LRPPRC: variants seen among roughly 807,000 people sequenced by gnomAD.
The protein encoded by LRPPRC is leucine-rich PPR motif-containing protein, mitochondrial.
In LRPPRC, 120 loss-of-function variants were observed where a neutral mutation model predicts 180.3. The ratio of observed to expected loss-of-function variants is 0.67; its 90% CI spans 0.57 to 0.77. The LOEUF (loss-of-function observed/expected upper bound fraction) is 0.77, where lower values mean the gene tolerates loss of function less well. Ranked by LOEUF, LRPPRC falls within the 30% of genes least tolerant of loss-of-function variation. LRPPRC has a pLI of 0.00. For missense variants in LRPPRC, 2,012 were observed against 1,657.2 expected (o/e 1.21, Z -3.72); for synonymous variants, 723 against 600.0 (o/e 1.21, Z -3.00).
At chr2:43,975,030 A>T (rs148201984) in intron 7 of LRPPRC, 61 bp downstream of exon 7, 2 of 1,564,092 alleles carry the variant, frequency 1.3e-6, no homozygotes, top group East Asian at 2.2e-5. Context: ...GCCTCATGTA[A>T]AACATAACAC....
rs1308061217 is a variant in LRPPRC at position 43,901,479 on chromosome 2, G to A, written c.3410C>T (p.Pro1137Leu). 1.2e-6 allele frequency: 2 copies of A among 1,614,024 alleles called. No individual in the cohort carries two copies. The highest frequency in any genetic ancestry group is 2.2e-5 in the East Asian group (1 of 44,882). ...LKTVLDQQQTPSRLAVTRVIQ... is the reference protein window; with the variant it reads ...LKTVLDQQQTLSRLAVTRVIQ... ...GACACGGGTCACTGCTAACCTAGAA[G>A]GGGTCTGCTGCTGATCCAATACTGT... is the stretch of plus-strand genomic sequence containing the variant. Residue 1137 changes from proline (P) to leucine (L), a missense_variant, in exon 32 of 38, where the codon CCT (proline) becomes CTT (leucine). By Grantham distance (98) the Pro-to-Leu change is moderately conservative. Transcript: ENST00000260665.
At position 43,887,138 on chromosome 2, in the gene LRPPRC, T is replaced by C. The variant is rs962076624; in HGVS notation, c.*1462A>G. 2.0e-4 allele frequency: 7 copies of C among 35,274 alleles called. No individual in the cohort carries two copies. The highest frequency in any genetic ancestry group is 4.6e-4 in the African/African-American group (6 of 13,158). The allele number at this position is 35,274 out of a possible 1,614,324, so 2.2% of individuals were successfully genotyped here. On this transcript the variant is annotated 3_prime_UTR_variant, in exon 38 of 38. Coordinates refer to ENST00000260665, the MANE Select transcript of LRPPRC (RefSeq NM_133259.4). ...TCTGGCTTAAGCAACAGAGCAAGAC[T>C]ATCTCAAAAAAAAAAAAAAAAAAAA...
chr2:43,986,317 A>T (rs1030735294), intron 1 of LRPPRC, among the ~76,000 whole-genome samples: 10 of 151,988 alleles, frequency 6.6e-5, no homozygotes, highest in Non-Finnish European at 1.5e-5. Context: ...TTTAGTACAG[A>T]CGGAGTTTTA....
intron 1 of LRPPRC, among the ~76,000 whole-genome samples, chr2:43,995,438 C>G (rs1674998695): frequency 6.6e-6 from 1 of 152,220 alleles, no homozygotes; most frequent in Non-Finnish European, 1.5e-5. Flanking sequence ...ACGTGGGACA[C>G]CACCCAAGCT....
chr2:43,975,862 C>A (rs1031187461), intron 6 of LRPPRC, among the ~76,000 whole-genome samples: 1 of 152,134 alleles, frequency 6.6e-6, no homozygotes, highest in Non-Finnish European at 1.5e-5. Context: ...GGATTACAGG[C>A]ATGAGCCACC....
At position 43,943,891 on chromosome 2, in the gene LRPPRC, G is replaced by C; in HGVS notation, c.2300C>G (p.Ala767Gly). Residue 767 changes from alanine (A) to glycine (G), a missense_variant, in exon 23 of 38, where the codon GCT becomes GGT. Coordinates refer to ENST00000260665, the MANE Select transcript of LRPPRC (RefSeq NM_133259.4). ...VLAKHGKLQDAINILKEMKEK... is the reference protein window; with the variant it reads ...VLAKHGKLQDGINILKEMKEK... ...TTTCATCTCCTTCAGAATGTTAATA[G>C]CATCTACAATGAAGTAACACAAAAG... 2 of 1,608,470 alleles carry C rather than the reference G, an allele frequency of 1.2e-6. No individual in the cohort carries two copies. The highest frequency in any genetic ancestry group is 1.1e-5 in the South Asian group (1 of 90,936).
At chr2:43,936,344 T>C (rs1386674413) in intron 23 of LRPPRC, among the ~76,000 whole-genome samples, 1 of 152,138 alleles carries the variant, frequency 6.6e-6, no homozygotes, top group Non-Finnish European at 1.5e-5. Context: ...AGTGGTGCAA[T>C]TTGGAATAAG....
At chr2:43,990,958 G>C (rs1456638122) in intron 1 of LRPPRC, among the ~76,000 whole-genome samples, 1 of 151,038 alleles carries the variant, frequency 6.6e-6, no homozygotes, top group African/African-American at 2.4e-5. Flanking sequence ...CAATTCTCCT[G>C]CCTCAGCCTC....
At chr2:43,934,671 C>T in intron 24 of LRPPRC, 83 bp downstream of exon 24, 1 of 1,248,170 alleles carries the variant, frequency 8.0e-7, no homozygotes. Context: ...TGGCCTTCTG[C>T]TGGTTTCTCT....
intron 29 of LRPPRC, among the ~76,000 whole-genome samples, chr2:43,916,407 A>G (rs113973290): frequency 3.7e-4 from 57 of 152,314 alleles, no homozygotes; most frequent in African/African-American, 1.3e-3. Context: ...AGGCATAATA[A>G]AGGTGAAGAT....
intron 3 of LRPPRC, among the ~76,000 whole-genome samples, chr2:43,978,562 G>GA (rs1674160949): frequency 6.6e-6 from 1 of 151,930 alleles, no homozygotes; most frequent in Admixed American, 6.6e-5. Context: ...CTGACATACA[G>GA]AAATTTCTAA....
At chr2:43,940,863 G>C (rs946925447) in intron 23 of LRPPRC, among the ~76,000 whole-genome samples, 2 of 152,010 alleles carry the variant, frequency 1.3e-5, no homozygotes, top group Admixed American at 1.3e-4. Flanking sequence ...TCATCTCCAT[G>C]AATCAGGCAT....
chr2:43,931,865 T>C (rs1322096745), intron 25 of LRPPRC, among the ~76,000 whole-genome samples: 2 of 152,058 alleles, frequency 1.3e-5, no homozygotes, highest in African/African-American at 2.4e-5. Flanking sequence ...TTTGCATGGC[T>C]TCCCAGTTGG....
At chr2:43,968,466 C>A (rs981472712) in intron 11 of LRPPRC, among the ~76,000 whole-genome samples, 1 of 152,148 alleles carries the variant, frequency 6.6e-6, no homozygotes, top group African/African-American at 2.4e-5. Flanking sequence ...AGATTGCAGA[C>A]AACAGAACTA....
At chr2:43,976,928 G>A (rs949435431) in intron 5 of LRPPRC, 66 bp downstream of exon 5, 7 of 1,304,538 alleles carry the variant, frequency 5.4e-6, no homozygotes, top group African/African-American at 1.5e-5. Flanking sequence ...AACAAAGAGT[G>A]AACAGACATT....
At chr2:43,962,408 A>G (rs924080915) in intron 12 of LRPPRC, among the ~76,000 whole-genome samples, 1 of 152,256 alleles carries the variant, frequency 6.6e-6, no homozygotes, top group Non-Finnish European at 1.5e-5. Context: ...AATGAAAGAA[A>G]CACTCTAACA....
chr2:43,961,572 C>T (rs909815842), intron 12 of LRPPRC, among the ~76,000 whole-genome samples: 12 of 152,186 alleles, frequency 7.9e-5, no homozygotes, highest in Non-Finnish European at 1.8e-4. Context: ...AGCCCTACCA[C>T]TTACTTGTGT....
intron 22 of LRPPRC, 141 bp from the exon 23 acceptor site, chr2:43,944,035 C>A: frequency 1.5e-6 from 1 of 674,412 alleles, no homozygotes; most frequent in South Asian, 1.6e-5. Flanking sequence ...ACTTGCATTT[C>A]TAAACGAGAC....
chr2:43,972,882 G>A (rs551415106), intron 11 of LRPPRC, among the ~76,000 whole-genome samples: 1 of 152,010 alleles, frequency 6.6e-6, no homozygotes, highest in South Asian at 2.1e-4. Flanking sequence ...ACCATTTTTT[G>A]TTTCCCCAAG....
Sources: allele counts gnomAD v4.1 joint callset (sites outside exome capture counted in the v4.1 genomes callset), GRCh38; gene constraint gnomAD v4.1.1; transcripts MANE v1.5; gene names NCBI Gene and HGNC (gene_info 2026-07-23, HGNC 2026-07-21).